PRR12: variants seen among roughly 807,000 people sequenced by gnomAD.
PRR12 encodes proline-rich protein 12.
In PRR12, 12 loss-of-function variants were observed where a neutral mutation model predicts 138.0. That is an observed-to-expected ratio of 0.09 (90% CI 0.06 to 0.14). PRR12 has a LOEUF of 0.14. Among genes scored for constraint, PRR12 ranks in the 10% least tolerant of loss-of-function variants. The pLI, the probability that PRR12 is intolerant of heterozygous loss-of-function variation, is 1.00. For missense variants in PRR12, 2,692 were observed against 2,861.3 expected (o/e 0.94, Z 1.35); for synonymous variants, 1,567 against 1,291.7 (o/e 1.21, Z -4.57).
chr19:49,612,124 G>A (rs796989280), intron 6 of PRR12, among the ~76,000 whole-genome samples: 6 of 151,404 alleles, frequency 4.0e-5, no homozygotes, highest in Non-Finnish European at 8.8e-5. Flanking sequence ...CCAGCTATTC[G>A]GGAGGCTGAG....
chr19:49,595,297 C>A lies in PRR12; in HGVS notation c.962C>A (p.Pro321His), dbSNP rs757035368. Reference sequence around the variant, plus strand: ...TATCTGAGCTGTGGAGGCAGCTACCCCTCCATGGGCCACCGGGCCAACCTG... The same window carrying A: ...TATCTGAGCTGTGGAGGCAGCTACCACTCCATGGGCCACCGGGCCAACCTG... ...QHYLSCGGSY[P>H]SMGHRANLAC... The change falls in exon 4 of 14, where the codon CCC becomes CAC. Residue 321 changes from proline to histidine, a missense_variant. Physicochemically the swap from Pro to His is moderately conservative, Grantham distance 77 (BLOSUM62 -2). Coordinates refer to ENST00000418929, the MANE Select transcript of PRR12 (RefSeq NM_020719.3). 9.7e-6 allele frequency: 15 copies of A among 1,545,192 alleles called. No individual in the cohort carries two copies. The Admixed American group carries it at 2.2e-4, about 22-fold the overall frequency.
intron 10 of PRR12, among the ~76,000 whole-genome samples, chr19:49,621,237 CAG>C (rs1425858142): frequency 8.5e-6 from 1 of 118,218 alleles, no homozygotes; most frequent in African/African-American, 3.3e-5. Flanking sequence ...ACTCTTGGGT[CAG>C]AGAGAGGAGG....
At chr19:49,613,671 C>G (rs150018473) in intron 6 of PRR12, among the ~76,000 whole-genome samples, 62 of 152,328 alleles carry the variant, frequency 4.1e-4, no homozygotes, top group Non-Finnish European at 7.5e-4. Context: ...CCTGCCTGTT[C>G]TTGGCACAGG....
At position 49,591,724 on chromosome 19, in the gene PRR12, A is replaced by G; in HGVS notation, c.70A>G (p.Arg24Gly). 6.7e-7 allele frequency: 1 copy of G among 1,497,654 alleles called. No individual in the cohort carries two copies. Among genetic ancestry groups the G allele is most frequent in the East Asian group, 2.8e-5 (1 of 35,288 alleles). 92.8% of individuals were successfully genotyped at this position (1,497,654 alleles called of 1,614,324 possible). Residue 24 changes from arginine (R) to glycine (G), a missense_variant, in exon 1 of 14, where the codon AGG (arginine) becomes GGG (glycine). Transcript: ENST00000418929. Reference sequence around the variant, plus strand: ...CGCCGGGGCGGGATGGAGTTACGAGAGGTCAGCGAAAGCTAGGTAAGGAGC... The same window carrying G: ...CGCCGGGGCGGGATGGAGTTACGAGGGGTCAGCGAAAGCTAGGTAAGGAGC... ...LGAGAGWSYE[R>G]SAKASLVYGS...
rs569910919 is a variant in PRR12 at position 49,597,488 on chromosome 19, G to A, written c.3153G>A (p.Pro1051=). The change falls in exon 4 of 14, where the codon CCG becomes CCA. Residue 1051 remains proline, a synonymous_variant. Transcript: ENST00000418929. This position sits in a 1 kb window ranked among gnomAD's most constrained non-coding sequence, Gnocchi z 6.3. Reference sequence around the variant, plus strand: ...CTCCGCCACCGCCGCCTCCCGCGCCGGCCTCCGAACCCAAGGGTGGCCTCA... The same window carrying A: ...CTCCGCCACCGCCGCCTCCCGCGCCAGCCTCCGAACCCAAGGGTGGCCTCA... ...PPPPPPPPPA[P]ASEPKGGLTS... 13 of 1,548,152 alleles carry A rather than the reference G, an allele frequency of 8.4e-6. No homozygotes were observed. Among genetic ancestry groups the A allele is most frequent in the African/African-American group, 1.4e-5 (1 of 73,138 alleles).
At position 49,597,419 on chromosome 19, in the gene PRR12, C is replaced by T. The variant is rs368892567; in HGVS notation, c.3084C>T (p.Gly1028=). Residue 1028 remains glycine (G), a synonymous_variant, in exon 4 of 14, where the codon GGC becomes GGT. Coordinates refer to ENST00000418929, the MANE Select transcript of PRR12 (RefSeq NM_020719.3). The surrounding 1 kb of genome is among the most constrained non-coding windows in gnomAD (Gnocchi z 6.3). Reference sequence around the variant, plus strand: ...CCACGGTCAACGCCGAGCCGCTGGGCCTGATCCAGAGTGGCCCCCACCAGG... The same window carrying T: ...CCACGGTCAACGCCGAGCCGCTGGGTCTGATCCAGAGTGGCCCCCACCAGG... ...LPSTVNAEPL[G]LIQSGPHQAA... 4,725 of 1,538,578 alleles carry T rather than the reference C, an allele frequency of 3.1e-3. 62 individuals carry two copies. The highest frequency in any genetic ancestry group is 0.026 in the South Asian group (2,159 of 84,016).
intron 11 of PRR12, 171 bp downstream of exon 11, chr19:49,621,793 C>T (rs1162228555): frequency 6.5e-6 from 4 of 612,142 alleles, no homozygotes; most frequent in Non-Finnish European, 1.2e-5. Flanking sequence ...GGGTTCTCAA[C>T]AGCCATGAAG....
In PRR12 at chr19:49,601,630, ACCACCG is replaced by A. The variant is rs769897139; in HGVS notation, c.4494_4499del (p.Pro1499_Pro1500del). The A allele has an allele frequency of 1.5e-5, 23 of 1,534,290 alleles. No homozygotes were observed. The highest frequency in any genetic ancestry group is 6.0e-5 in the Admixed American group (3 of 50,390). On this transcript the variant is annotated inframe_deletion, in exon 6 of 14. Coordinates refer to ENST00000418929, the MANE Select transcript of PRR12 (RefSeq NM_020719.3). ...CGCTGGTGGCCCCCACGCCCAGCTC[ACCACCG>A]CCACCGCCGCTGCCGCCGCCACCTC...
intron 9 of PRR12, among the ~76,000 whole-genome samples, chr19:49,617,006 T>C (rs187052620): frequency 2.6e-3 from 389 of 152,138 alleles, no homozygotes; most frequent in African/African-American, 8.9e-3. Flanking sequence ...GGCGTGTGCC[T>C]GTAATCCCAG....
In PRR12 at chr19:49,596,305, G is replaced by C. The variant is rs764566879; in HGVS notation, c.1970G>C (p.Gly657Ala). The change falls in exon 4 of 14, where the codon GGG becomes GCG. Residue 657 changes from glycine to alanine, a missense_variant. By Grantham distance (60) the Gly-to-Ala change is moderately conservative (BLOSUM62 0). Around this residue, in one of 11 missense-constraint regions of PRR12, gnomAD observed 840 missense variants for 689.8 expected, o/e 1.22. Coordinates refer to ENST00000418929, the MANE Select transcript of PRR12 (RefSeq NM_020719.3). The surrounding 1 kb of genome is among the most constrained non-coding windows in gnomAD (Gnocchi z 5.6). ...GCGCCCAGCCCTCCTCGGACCTCAG[G>C]GGCGGACGGCTTGGTGGGCGAGGAC... ...LQAPSPPRTS[G>A]ADGLVGEDGA... 3 of 1,611,314 alleles carry C rather than the reference G, an allele frequency of 1.9e-6. No homozygotes were observed. Among genetic ancestry groups the C allele is most frequent in the East Asian group, 4.5e-5 (2 of 44,852 alleles).
chr19:49,596,050 C>T lies in PRR12; in HGVS notation c.1715C>T (p.Pro572Leu), dbSNP rs1270595100. The change falls in exon 4 of 14, where the codon CCT becomes CTT. Residue 572 changes from proline (P) to leucine (L), a missense_variant. By Grantham distance (98) the Pro-to-Leu change is moderately conservative (BLOSUM62 -3). Coordinates refer to ENST00000418929, the MANE Select transcript of PRR12 (RefSeq NM_020719.3). This position sits in a 1 kb window ranked among gnomAD's most constrained non-coding sequence, Gnocchi z 5.6. ...ATCATTCGTCCGCTCCAGTCACCGC[C>T]TGCCACCGGCCGTCCACCTGGAGTC... is the stretch of plus-strand genomic sequence containing the variant. ...SHIIRPLQSP[P>L]ATGRPPGVGS... The T allele has an allele frequency of 6.2e-7, 1 of 1,601,586 alleles. No individual in the cohort carries two copies. The highest frequency in any genetic ancestry group is 1.3e-5 in the African/African-American group (1 of 75,048).
chr19:49,622,597 G>GAA (rs11450298), intron 11 of PRR12, among the ~76,000 whole-genome samples: 45 of 134,018 alleles, frequency 3.4e-4, no homozygotes, highest in Middle Eastern at 4.0e-3. Flanking sequence ...CTCCAAAAAA[G>GAA]AAAAAAAAAA....
In PRR12 at chr19:49,599,909, T is replaced by A; in HGVS notation, c.4316T>A (p.Leu1439His). 6.2e-7 allele frequency: 1 copy of A among 1,607,808 alleles called. No homozygotes were observed. The change falls in exon 5 of 14, where the codon CTC (leucine) becomes CAC (histidine). Residue 1439 changes from leucine (L) to histidine (H), a missense_variant. By Grantham distance (99) the Leu-to-His change is moderately conservative (BLOSUM62 -3). This residue lies in a region of PRR12 where 231 missense variants were observed against 200.8 expected (regional missense o/e 1.15). Coordinates refer to ENST00000418929, the MANE Select transcript of PRR12 (RefSeq NM_020719.3). The surrounding 1 kb of genome is among the most constrained non-coding windows in gnomAD (Gnocchi z 5.0). ...AVPGPPPLPGLPSANSNGTPE... is the reference protein window; with the variant it reads ...AVPGPPPLPGHPSANSNGTPE... ...CCAGGGCCACCCCCTCTTCCGGGGCTCCCCAGTGCCAACAGCAATGGCACT... is the reference window on the plus strand; with the variant it reads ...CCAGGGCCACCCCCTCTTCCGGGGCACCCCAGTGCCAACAGCAATGGCACT...
intron 11 of PRR12, among the ~76,000 whole-genome samples, chr19:49,623,017 T>A (rs2080933976): frequency 6.6e-6 from 1 of 150,726 alleles, no homozygotes; most frequent in South Asian, 2.1e-4. Flanking sequence ...AGTAGTTTTC[T>A]CAGAATGATG....
chr19:49,610,391 G>T (rs1416129261), intron 6 of PRR12, among the ~76,000 whole-genome samples: 1 of 152,138 alleles, frequency 6.6e-6, no homozygotes, highest in Non-Finnish European at 1.5e-5. Flanking sequence ...TTTCTCAGAA[G>T]AAAATCTGAT....
rs1267373065 is a variant in PRR12 at position 49,596,021 on chromosome 19, T to A, written c.1686T>A (p.Ser562=). The A allele has an allele frequency of 1.2e-6, 2 of 1,601,280 alleles. No homozygotes were observed. The highest frequency in any genetic ancestry group is 1.7e-6 in the Non-Finnish European group (2 of 1,179,718). The change falls in exon 4 of 14, where the codon TCT becomes TCA. Residue 562 remains serine, a synonymous_variant. Coordinates refer to ENST00000418929, the MANE Select transcript of PRR12 (RefSeq NM_020719.3). This position sits in a 1 kb window ranked among gnomAD's most constrained non-coding sequence, Gnocchi z 5.6. ...SLGGGGEASP[S]HIIRPLQSPP... ...GAGGCGGCGGTGAGGCCAGCCCATC[T>A]CACATCATTCGTCCGCTCCAGTCAC...
Position 49,597,103 on chromosome 19 carries a change from C to A in PRR12, c.2768C>A (p.Ala923Glu), listed in dbSNP as rs1219322832. 2 of 1,551,074 alleles carry A rather than the reference C, an allele frequency of 1.3e-6. No homozygotes were observed. The highest frequency in any genetic ancestry group is 3.9e-5 in the Admixed American group (2 of 51,062). The change falls in exon 4 of 14, where the codon GCG becomes GAG. Residue 923 changes from alanine (A) to glutamate (E), a missense_variant. This residue lies in a region of PRR12 where 840 missense variants were observed against 689.8 expected (regional missense o/e 1.22). Coordinates refer to ENST00000418929, the MANE Select transcript of PRR12 (RefSeq NM_020719.3). This position sits in a 1 kb window ranked among gnomAD's most constrained non-coding sequence, Gnocchi z 6.3. Reference protein sequence around the residue: ...YRSPSPQGTKAPRFVPLTSIC... With the variant: ...YRSPSPQGTKEPRFVPLTSIC... ...AGCCCCAGCCCGCAAGGCACCAAGGCGCCGCGTTTCGTGCCGCTCACCTCC... is the reference window on the plus strand; with the variant it reads ...AGCCCCAGCCCGCAAGGCACCAAGGAGCCGCGTTTCGTGCCGCTCACCTCC...
Position 49,600,025 on chromosome 19 carries a change from A to G in PRR12, c.4345+87A>G, listed in dbSNP as rs369257464. The G allele has an allele frequency of 1.9e-5, 25 of 1,333,330 alleles. 1 individual carries two copies. In the African/African-American group the frequency reaches 3.0e-4, roughly 16 times the overall value. The allele number at this position is 1,333,330 out of a possible 1,614,324, so 82.6% of individuals were successfully genotyped here. Reference sequence around the variant, plus strand: ...AGTTGTGCAGGTTACGCACTGTTTAAGAGACACCATTCACATACATGGTGT... The same window carrying G: ...AGTTGTGCAGGTTACGCACTGTTTAGGAGACACCATTCACATACATGGTGT... On this transcript the variant is annotated intron_variant, in intron 5 of 13. Coordinates refer to ENST00000418929, the MANE Select transcript of PRR12 (RefSeq NM_020719.3).
Position 49,625,341 on chromosome 19 carries a change from C to A in PRR12, c.5965-120C>A. On this transcript the variant is annotated intron_variant, in intron 13 of 13. Transcript: ENST00000418929. This position sits in a 1 kb window ranked among gnomAD's most constrained non-coding sequence, Gnocchi z 5.5. Reference sequence around the variant, plus strand: ...TTCTGTCTTGGACTTAAGAATGCAGCCCCCAGCCCTGGTCTCCCTGGGACA... The same window carrying A: ...TTCTGTCTTGGACTTAAGAATGCAGACCCCAGCCCTGGTCTCCCTGGGACA... 4 of 1,427,702 alleles carry A rather than the reference C, an allele frequency of 2.8e-6. No homozygotes were observed. In the South Asian group the frequency reaches 5.2e-5, roughly 19 times the overall value. The allele number at this position is 1,427,702 out of a possible 1,614,324, so 88.4% of individuals were successfully genotyped here.
Sources: gnomAD v4.1 joint callset for allele counts (sites outside exome capture counted in the v4.1 genomes callset) on GRCh38, gnomAD v4.1.1 for gene constraint, gnomAD v4.1.1 regional missense constraint, Gnocchi (gnomAD v3.1) non-coding constraint, MANE v1.5 for transcripts, NCBI Gene and HGNC (gene_info 2026-07-23, HGNC 2026-07-21) for gene names.